KIAA2012: variants seen among roughly 807,000 people sequenced by gnomAD.
The protein encoded by KIAA2012 is KIAA2012.
KIAA2012 carries 125 observed loss-of-function variants against 150.6 expected under a neutral mutation model. The ratio of observed to expected loss-of-function variants is 0.83; its 90% CI spans 0.72 to 0.96. The LOEUF is 0.96. Ranked by LOEUF, KIAA2012 falls within the 40% of genes least tolerant of loss-of-function variation. The pLI is 0.00. For missense variants in KIAA2012, 1,219 were observed against 1,354.9 expected (o/e 0.90, Z 1.57); for synonymous variants, 462 against 504.7 (o/e 0.92, Z 1.13).
At chr2:202,166,463 G>A (rs1292016141) in intron 15 of KIAA2012, among the ~76,000 whole-genome samples, 2 of 151,994 alleles carry the variant, frequency 1.3e-5, no homozygotes, top group East Asian at 3.9e-4. Context: ...TACCAGACTA[G>A]GCAACACAAC....
intron 11 of KIAA2012, chr2:202,116,769 G>T (rs1173988153): frequency 6.6e-6 from 1 of 152,102 alleles, no homozygotes; most frequent in Non-Finnish European, 1.5e-5. Flanking sequence ...AGTGGGATAT[G>T]ATGGCTCACT....
At chr2:202,084,157 C>T (rs753923997) in intron 2 of KIAA2012, among the ~76,000 whole-genome samples, 6 of 152,104 alleles carry the variant, frequency 3.9e-5, no homozygotes, top group Non-Finnish European at 7.4e-5. Context: ...TCTCTCTTCA[C>T]GCTTCTGCTG....
chr2:202,101,220 G>T (rs987405441), intron 7 of KIAA2012, among the ~76,000 whole-genome samples: 1 of 152,216 alleles, frequency 6.6e-6, no homozygotes, highest in East Asian at 1.9e-4. Flanking sequence ...ATTAATTGCA[G>T]GGATTCATGT....
At chr2:202,170,184 G>C (rs1431571259) in intron 15 of KIAA2012, among the ~76,000 whole-genome samples, 2 of 152,216 alleles carry the variant, frequency 1.3e-5, no homozygotes, top group Non-Finnish European at 2.9e-5. Context: ...GCTCAGTGCA[G>C]CAACAAGTGA....
At chr2:202,203,213 G>C (rs986523845) in intron 23 of KIAA2012, among the ~76,000 whole-genome samples, 1 of 152,028 alleles carries the variant, frequency 6.6e-6, no homozygotes, top group East Asian at 1.9e-4. Flanking sequence ...TTTCATTTCA[G>C]TCAATGTATC....
chr2:202,126,307 C>A (rs1022818634), intron 12 of KIAA2012, among the ~76,000 whole-genome samples: 8 of 152,144 alleles, frequency 5.3e-5, no homozygotes, highest in African/African-American at 1.9e-4. Flanking sequence ...GAAGAAGCTG[C>A]TGTAGGAACA....
chr2:202,188,295 CT>C (rs1283566835), intron 18 of KIAA2012, 29 bp downstream of exon 18: 1 of 1,515,360 alleles, frequency 6.6e-7, no homozygotes, highest in African/African-American at 1.4e-5. Flanking sequence ...AAGTAACAAC[CT>C]GGAGAAGACT....
In KIAA2012 at chr2:202,104,329, T is replaced by A. The variant is rs184996053; in HGVS notation, c.1324+1215T>A. 4.9e-4 allele frequency among the ~76,000 whole-genome samples: 75 copies of A among 152,304 alleles called. No homozygotes were observed. Among genetic ancestry groups the A allele is most frequent in the Non-Finnish European group, 9.8e-4 (67 of 68,036 alleles). On this transcript the variant is annotated intron_variant, in intron 8 of 23. Transcript: ENST00000498697. The surrounding 1 kb of genome is among the most constrained non-coding windows in gnomAD (Gnocchi z 4.3). ...AAATCAACAACACAGTGTTTTAAAA[T>A]GCAGGTCATCTTATTCAGGTGTGGT... is the stretch of plus-strand genomic sequence containing the variant.
intron 13 of KIAA2012, among the ~76,000 whole-genome samples, chr2:202,144,464 G>T (rs777172971): frequency 6.6e-6 from 1 of 152,006 alleles, no homozygotes; most frequent in Non-Finnish European, 1.5e-5. Flanking sequence ...TTCACAGATG[G>T]TGTTCATATC....
intron 16 of KIAA2012, among the ~76,000 whole-genome samples, chr2:202,186,239 G>A (rs745749412): frequency 5.3e-5 from 8 of 152,072 alleles, no homozygotes; most frequent in Admixed American, 1.3e-4. Flanking sequence ...ATTGCCAGGC[G>A]TGGTGGCTCA....
At chr2:202,133,797 T>C (rs974201183) in intron 12 of KIAA2012, among the ~76,000 whole-genome samples, 8 of 152,188 alleles carry the variant, frequency 5.3e-5, no homozygotes, top group Non-Finnish European at 1.0e-4. Context: ...AAAGGCCATC[T>C]TGGGTCTTAG....
At position 202,099,713 on chromosome 2, in the gene KIAA2012, T is replaced by A. The variant is rs1435064228; in HGVS notation, c.929T>A (p.Ile310Asn). 1 of 1,550,630 alleles carries A rather than the reference T, an allele frequency of 6.4e-7. No individual in the cohort carries two copies. Among genetic ancestry groups the A allele is most frequent in the African/African-American group, 1.4e-5 (1 of 73,162 alleles). ...AGGAAGGCCTTTGGGCATGGCCGCA[T>A]CGATCACTCTTGGCTCCCAAGTGAC... ...TSRKAFGHGR[I>N]DHSWLPSDKS... The change falls in exon 6 of 24, where the codon ATC (isoleucine) becomes AAC (asparagine). Residue 310 changes from isoleucine to asparagine, a missense_variant. Transcript: ENST00000498697.
chr2:202,138,704 T>A (rs542215180), intron 13 of KIAA2012, among the ~76,000 whole-genome samples, 196 bp downstream of exon 13: 62 of 152,338 alleles, frequency 4.1e-4, no homozygotes, highest in African/African-American at 1.4e-3. Context: ...TAACTTGGAC[T>A]GTATTATTTG....
intron 13 of KIAA2012, among the ~76,000 whole-genome samples, chr2:202,141,078 G>A (rs747825795): frequency 5.1e-4 from 77 of 152,320 alleles, no homozygotes; most frequent in Non-Finnish European, 9.3e-4. Context: ...AAAGCCACAG[G>A]GTGCTCTGCA....
At chr2:202,093,954 AG>A (rs1337529976) in intron 4 of KIAA2012, among the ~76,000 whole-genome samples, 1 of 152,218 alleles carries the variant, frequency 6.6e-6, no homozygotes, top group Non-Finnish European at 1.5e-5. Flanking sequence ...GGCTGGTAGC[AG>A]GGTTCTTGAG....
rs537587196 is a variant in KIAA2012, at chr2:202,124,268, C to CA, written c.1763-945dup. 6.0e-4 allele frequency among the ~76,000 whole-genome samples: 91 copies of CA among 152,308 alleles called. 1 individual carries two copies. The South Asian group carries it at 0.018, about 31-fold the overall frequency. On this transcript the variant is annotated intron_variant, in intron 11 of 23. Transcript: ENST00000498697. Reference sequence around the variant, plus strand: ...TTGCTATTACCTCTCCCTTAACTTTCACAAGTCTCATTCTAATTCTCATCA... The same window carrying CA: ...TTGCTATTACCTCTCCCTTAACTTTCAACAAGTCTCATTCTAATTCTCATCA...
intron 3 of KIAA2012, among the ~76,000 whole-genome samples, chr2:202,091,872 A>G (rs1414492711): frequency 2.0e-5 from 3 of 152,230 alleles, no homozygotes; most frequent in African/African-American, 7.2e-5. Flanking sequence ...AAGAAGAGAA[A>G]GCAATTCACT....
Position 202,090,757 on chromosome 2 carries a change from G to C in KIAA2012, c.370-13G>C. On this transcript the variant is annotated splice_polypyrimidine_tract_variant and intron_variant, in intron 2 of 23. Coordinates refer to ENST00000498697, the MANE Select transcript of KIAA2012 (RefSeq NM_001277372.4). Reference sequence around the variant, plus strand: ...TCAGCAGCTGTGCTGTTTCCTGACTGGTGTCCCCACAGGGAGAGCAGGACA... The same window carrying C: ...TCAGCAGCTGTGCTGTTTCCTGACTCGTGTCCCCACAGGGAGAGCAGGACA... 6.5e-7 allele frequency: 1 copy of C among 1,541,808 alleles called. No individual in the cohort carries two copies. Among genetic ancestry groups the C allele is most frequent in the African/African-American group, 1.4e-5 (1 of 73,074 alleles).
intron 12 of KIAA2012, among the ~76,000 whole-genome samples, chr2:202,131,869 A>G (rs4673226): frequency 0.99 from 150,942 of 152,312 alleles, 74,806 homozygotes; most frequent in Middle Eastern, 1. Flanking sequence ...GCCAGATCAT[A>G]AAGGGCCATA....
Sources: gnomAD v4.1 joint callset for allele counts (sites outside exome capture counted in the v4.1 genomes callset) on GRCh38, gnomAD v4.1.1 for gene constraint, Gnocchi (gnomAD v3.1) non-coding constraint, MANE v1.5 for transcripts, NCBI Gene and HGNC (gene_info 2026-07-23, HGNC 2026-07-21) for gene names.